Variants in SPATA46 observed in about 807,000 individuals in gnomAD.
SPATA46 encodes the protein spermatogenesis-associated protein 46.
Under a neutral mutation model 6.2 loss-of-function variants are expected in SPATA46, and 3 were observed. The observed-to-expected ratio is 0.48, with a 90% CI of 0.22 to 1.25. SPATA46 has a LOEUF of 1.25. Ranked by LOEUF, SPATA46 falls within the 50% of genes most tolerant of loss-of-function variation. The probability of loss-of-function intolerance (pLI) is 0.20; values close to 1 mark genes in which losing one functional copy is unlikely to be tolerated. For missense variants in SPATA46, 308 were observed against 323.5 expected, an observed-to-expected ratio of 0.95 and a Z score of 0.37; for synonymous variants, 117 against 123.3, an observed-to-expected ratio of 0.95 and a Z score of 0.34.
In SPATA46 at chr1:162,374,185, G is replaced by A. The variant is rs549487618; in HGVS notation, c.649C>T (p.Arg217Cys). 1.9e-5 allele frequency: 31 copies of A among 1,614,210 alleles called. No homozygotes were observed. The highest frequency in any genetic ancestry group is 8.9e-5 in the East Asian group (4 of 44,882). The change falls in exon 3 of 3, where the codon CGC becomes TGC. Residue 217 changes from arginine to cysteine, a missense_variant. By Grantham distance (180) the Arg-to-Cys change is radical. Coordinates refer to ENST00000367935, the MANE Select transcript of SPATA46 (RefSeq NM_182581.4). ...REGFSCKVYY[R>C]KLKALWSKEQ... ...TTGCTCCAGAGGGCTTTGAGCTTGC[G>A]GTAGTACACCTTGCAGCTGAAGCCC...
At chr1:162,375,483 G>A (rs1448802800) in intron 1 of SPATA46, 80 bp from the exon 2 acceptor site, 2 of 1,108,466 alleles carry the variant, frequency 1.8e-6, no homozygotes, top group East Asian at 4.7e-5. Flanking sequence ...ATACCTAGGG[G>A]CTCAACCTCT....
Position 162,374,209 on chromosome 1 carries a change from C to G in SPATA46, c.625G>C (p.Gly209Arg), listed in dbSNP as rs1047143981. Residue 209 changes from glycine (G) to arginine (R), a missense_variant, in exon 3 of 3, where the codon GGC becomes CGC. Physicochemically the swap from Gly to Arg is moderately radical, Grantham distance 125. Coordinates refer to ENST00000367935, the MANE Select transcript of SPATA46 (RefSeq NM_182581.4). The part of the protein sequence containing the change: ...KSHIKRGFRE[G>R]FSCKVYYRKL... Reference sequence around the variant, plus strand: ...CGGTAGTACACCTTGCAGCTGAAGCCCTCCCTGAAGCCCCTCTTGATGTGG... The same window carrying G: ...CGGTAGTACACCTTGCAGCTGAAGCGCTCCCTGAAGCCCCTCTTGATGTGG... 6.2e-7 allele frequency: 1 copy of G among 1,614,028 alleles called. No homozygotes were observed. Among genetic ancestry groups the G allele is most frequent in the African/African-American group, 1.3e-5 (1 of 75,048 alleles).
At position 162,374,612 on chromosome 1, in the gene SPATA46, G is replaced by A. The variant is rs1304266996; in HGVS notation, c.222C>T (p.Cys74=). 2.0e-5 allele frequency: 32 copies of A among 1,607,000 alleles called. No homozygotes were observed. The highest frequency in any genetic ancestry group is 2.6e-5 in the Non-Finnish European group (31 of 1,176,464). ...CTCCGTGCTGGGTATCCCCCAAGCT[G>A]CAGTCTGCAAAGGAAAGGACCAGGT... is the stretch of plus-strand genomic sequence containing the variant. ...GIQNTALSPD[C]SLGDTQHGEK... The change falls in exon 3 of 3, where the codon TGC becomes TGT. Residue 74 remains cysteine (C), a synonymous_variant. Coordinates refer to ENST00000367935, the MANE Select transcript of SPATA46 (RefSeq NM_182581.4).
chr1:162,376,643 C>CA (rs150155141), intron 1 of SPATA46, 45 bp downstream of exon 1: 52 of 1,550,790 alleles, frequency 3.4e-5, no homozygotes, highest in Middle Eastern at 1.7e-4. Flanking sequence ...TTAAAAGCTT[C>CA]AAAAAAAACC....
chr1:162,374,353 G>A lies in SPATA46; in HGVS notation c.481C>T (p.Leu161=). The A allele has an allele frequency of 6.2e-7, 1 of 1,614,182 alleles. No homozygotes were observed. The highest frequency in any genetic ancestry group is 8.5e-7 in the Non-Finnish European group (1 of 1,180,034). The change falls in exon 3 of 3, where the codon CTG becomes TTG. Residue 161 remains leucine, a synonymous_variant. Coordinates refer to ENST00000367935, the MANE Select transcript of SPATA46 (RefSeq NM_182581.4). ...ATGTCCTGGGATGTGATGGAGTCCA[G>A]GCCATGCCTGGATTTCTTGGTGGCT... ...REATKKSRHG[L]DSITSQDILM...
Position 162,374,508 on chromosome 1 carries a change from C to G in SPATA46, c.326G>C (p.Ser109Thr). Residue 109 changes from serine to threonine, a missense_variant, in exon 3 of 3, where the codon AGC becomes ACC. Ser to Thr is a moderately conservative substitution (Grantham distance 58). Coordinates refer to ENST00000367935, the MANE Select transcript of SPATA46 (RefSeq NM_182581.4). ...YSYFVCADKE[S>T]QLEAYDFPEV... ...TGGGAAGTCATAGGCCTCCAGCTGG[C>G]TCTCTTTGTCTGCACACACGAAGTA... 6.2e-7 allele frequency: 1 copy of G among 1,614,164 alleles called. No homozygotes were observed. Among genetic ancestry groups the G allele is most frequent in the Non-Finnish European group, 8.5e-7 (1 of 1,180,010 alleles).
rs1647685733 is a variant in SPATA46 at position 162,376,698 on chromosome 1, G to C, written c.93C>G (p.Thr31=). 6.2e-7 allele frequency: 1 copy of C among 1,613,870 alleles called. No homozygotes were observed. Among genetic ancestry groups the C allele is most frequent in the African/African-American group, 1.3e-5 (1 of 74,922 alleles). Residue 31 remains threonine (T), a synonymous_variant, in exon 1 of 3, where the codon ACC becomes ACG. Transcript: ENST00000367935. ...AFPDIMFSRA[T]SLPDIAKTAV... The stretch of plus-strand genomic sequence containing the variant: ...GGCACCAAAGTTTACCTGGCAGGCT[G>C]GTGGCACGAGAGAACATAATGTCGG...
chr1:162,373,874 A>T lies in SPATA46; in HGVS notation c.*174T>A. 1.4e-6 allele frequency: 1 copy of T among 722,928 alleles called. No individual in the cohort carries two copies. 44.8% of individuals were successfully genotyped at this position (722,928 alleles called of 1,614,324 possible). A position where few individuals can be genotyped will look rare whatever the true frequency, so the allele number is the denominator to read the frequency against. ...ACCTCTATCTTAGATGATTTTCCCAAACTTCAAGTATTGTCTTTATTTTTA... is the reference window on the plus strand; with the variant it reads ...ACCTCTATCTTAGATGATTTTCCCATACTTCAAGTATTGTCTTTATTTTTA... On this transcript the variant is annotated 3_prime_UTR_variant, in exon 3 of 3. Transcript: ENST00000367935.
chr1:162,374,563 T>C lies in SPATA46; in HGVS notation c.271A>G (p.Ile91Val). The C allele has an allele frequency of 2.5e-6, 4 of 1,614,140 alleles. No individual in the cohort carries two copies. In the South Asian group the frequency reaches 3.3e-5, roughly 13 times the overall value. ...HGEKLRRNCT[I>V]YRPWFSPYSY... Reference sequence around the variant, plus strand: ...TAGGGGGAGAACCAGGGCCGGTAGATAGTGCAGTTCCGCCTCAGCTTCTCT... The same window carrying C: ...TAGGGGGAGAACCAGGGCCGGTAGACAGTGCAGTTCCGCCTCAGCTTCTCT... The change falls in exon 3 of 3, where the codon ATC becomes GTC. Residue 91 changes from isoleucine to valine, a missense_variant. Coordinates refer to ENST00000367935, the MANE Select transcript of SPATA46 (RefSeq NM_182581.4).
chr1:162,374,498 C>T lies in SPATA46; in HGVS notation c.336G>A (p.Glu112=). 1.9e-6 allele frequency: 3 copies of T among 1,614,236 alleles called. No individual in the cohort carries two copies. Among genetic ancestry groups the T allele is most frequent in the Non-Finnish European group, 2.5e-6 (3 of 1,180,038 alleles). ...GCTGCACCTCTGGGAAGTCATAGGC[C>T]TCCAGCTGGCTCTCTTTGTCTGCAC... ...FVCADKESQL[E]AYDFPEVQQD... is the part of the protein sequence containing the mutation. Residue 112 remains glutamate, a synonymous_variant, in exon 3 of 3, where the codon GAG becomes GAA. Coordinates refer to ENST00000367935, the MANE Select transcript of SPATA46 (RefSeq NM_182581.4).
In SPATA46 at chr1:162,375,375, C is replaced by T. The variant is rs369475209; in HGVS notation, c.132G>A (p.Glu44=). 3 of 1,614,134 alleles carry T rather than the reference C, an allele frequency of 1.9e-6. No homozygotes were observed. The highest frequency in any genetic ancestry group is 1.1e-5 in the South Asian group (1 of 91,086). The change falls in exon 2 of 3, where the codon GAG becomes GAA. Residue 44 remains glutamate (E), a synonymous_variant. Coordinates refer to ENST00000367935, the MANE Select transcript of SPATA46 (RefSeq NM_182581.4). ...GCAGGGCCTGAGCTGGGCTGGATGC[C>T]TCAGTGGGTACTGCTGTCTTTGCAA... ...PDIAKTAVPT[E]ASSPAQALPP...
intron 1 of SPATA46, among the ~76,000 whole-genome samples, chr1:162,376,325 A>T (rs1647662055): frequency 6.6e-6 from 1 of 152,108 alleles, no homozygotes. Context: ...TTGAGATTTC[A>T]TGCACAATCT....
At chr1:162,374,731 A>C in intron 2 of SPATA46, 115 bp from the exon 3 acceptor site, 1 of 1,046,820 alleles carries the variant, frequency 9.6e-7, no homozygotes, top group Non-Finnish European at 1.4e-6. Flanking sequence ...CCTCCACCCC[A>C]CCACGATTGC....
Position 162,374,594 on chromosome 1 carries a change from C to G in SPATA46, c.240G>C (p.Gln80His). The change falls in exon 3 of 3, where the codon CAG becomes CAC. Residue 80 changes from glutamine to histidine, a missense_variant. Physicochemically the swap from Gln to His is conservative, Grantham distance 24. Coordinates refer to ENST00000367935, the MANE Select transcript of SPATA46 (RefSeq NM_182581.4). ...LSPDCSLGDT[Q>H]HGEKLRRNCT... ...AGTTCCGCCTCAGCTTCTCTCCGTG[C>G]TGGGTATCCCCCAAGCTGCAGTCTG... 1 of 1,612,336 alleles carries G rather than the reference C, an allele frequency of 6.2e-7. No homozygotes were observed. Among genetic ancestry groups the G allele is most frequent in the Non-Finnish European group, 8.5e-7 (1 of 1,179,044 alleles).
intron 1 of SPATA46, among the ~76,000 whole-genome samples, chr1:162,375,822 C>A (rs1647640933): frequency 1.3e-5 from 2 of 152,198 alleles, no homozygotes; most frequent in South Asian, 4.1e-4. Flanking sequence ...ACATCTCATA[C>A]CCACAGTCAG....
rs1383133493 is a variant in SPATA46 at position 162,373,968 on chromosome 1, G to A, written c.*80C>T. 9 of 1,418,024 alleles carry A rather than the reference G, an allele frequency of 6.3e-6. No individual in the cohort carries two copies. Among genetic ancestry groups the A allele is most frequent in the Admixed American group, 2.3e-5 (1 of 44,386 alleles). The allele number at this position is 1,418,024 out of a possible 1,614,324, so 87.8% of individuals were successfully genotyped here. ...CCATTAGCCAAAGGTGATGAGAGCC[G>A]GGTTCTGGGAAGGACAGCAGGCTGT... On this transcript the variant is annotated 3_prime_UTR_variant, in exon 3 of 3. Coordinates refer to ENST00000367935, the MANE Select transcript of SPATA46 (RefSeq NM_182581.4).
chr1:162,375,681 A>G (rs958180414), intron 1 of SPATA46, among the ~76,000 whole-genome samples: 2 of 152,056 alleles, frequency 1.3e-5, no homozygotes, highest in African/African-American at 2.4e-5. Flanking sequence ...CCTGCCCCTC[A>G]CCTAACCCTC....
In SPATA46 at chr1:162,375,161, A is replaced by G. The variant is rs559153744; in HGVS notation, c.217+129T>C. On this transcript the variant is annotated intron_variant, in intron 2 of 2. Coordinates refer to ENST00000367935, the MANE Select transcript of SPATA46 (RefSeq NM_182581.4). ...TCTACCAAAGGAAGAAGGGCCAGATAGGAGGCTGCAGGTGACAAGACCGCG... is the reference window on the plus strand; with the variant it reads ...TCTACCAAAGGAAGAAGGGCCAGATGGGAGGCTGCAGGTGACAAGACCGCG... The G allele has an allele frequency of 9.9e-5, 73 of 739,656 alleles. No homozygotes were observed. In the African/African-American group the frequency reaches 1.2e-3, roughly 12 times the overall value. 45.8% of individuals were successfully genotyped at this position (739,656 alleles called of 1,614,324 possible). A position where few individuals can be genotyped will look rare whatever the true frequency, so the allele number is the denominator to read the frequency against.
chr1:162,373,902 A>T lies in SPATA46; in HGVS notation c.*146T>A. ...TTCAAGTATTGTCTTTATTTTTAAA[A>T]GAGAGAAAGGGGAGGGTGTGTGCCT... is the stretch of plus-strand genomic sequence containing the variant. On this transcript the variant is annotated 3_prime_UTR_variant, in exon 3 of 3. Transcript: ENST00000367935. 1.3e-6 allele frequency: 1 copy of T among 796,974 alleles called. No homozygotes were observed. The highest frequency in any genetic ancestry group is 2.1e-5 in the South Asian group (1 of 47,140). 49.4% of individuals were successfully genotyped at this position (796,974 alleles called of 1,614,324 possible).
Sources: allele counts gnomAD v4.1 joint callset (sites outside exome capture counted in the v4.1 genomes callset), GRCh38; gene constraint gnomAD v4.1.1; transcripts MANE v1.5; gene names NCBI Gene and HGNC (gene_info 2026-07-23, HGNC 2026-07-21).